SND1: variants seen among roughly 807,000 people sequenced by gnomAD.
SND1 encodes the protein staphylococcal nuclease domain-containing protein 1.
In SND1, 38 loss-of-function variants were observed where a neutral mutation model predicts 121.7. The ratio of observed to expected loss-of-function variants is 0.31; its 90% CI spans 0.24 to 0.41. The LOEUF is 0.41. Among genes scored for constraint, SND1 ranks in the 10% least tolerant of loss-of-function variants. The pLI, the probability that SND1 is intolerant of heterozygous loss-of-function variation, is 1.00. For synonymous variants in SND1, 401 were observed against 447.4 expected (o/e 0.90, Z 1.31); for missense variants, 868 against 1,184.6 (o/e 0.73, Z 3.92).
chr7:127,738,167 G>A (rs1796812211), intron 10 of SND1, among the ~76,000 whole-genome samples: 2 of 151,894 alleles, frequency 1.3e-5, no homozygotes, highest in Non-Finnish European at 2.9e-5. Context: ...TTCTCACTGT[G>A]GGCAGCTTCT....
At chr7:127,807,344 A>T (rs117012671) in intron 10 of SND1, 140 bp from the exon 11 acceptor site, 1 of 624,676 alleles carries the variant, frequency 1.6e-6, no homozygotes, top group Non-Finnish European at 2.8e-6. Flanking sequence ...ACTTTTAATC[A>T]TTTATTATGT....
intron 14 of SND1, among the ~76,000 whole-genome samples, chr7:127,913,530 C>G (rs1356039246): frequency 3.3e-5 from 5 of 152,168 alleles, no homozygotes; most frequent in Admixed American, 2.6e-4. Context: ...CTGGTCCATG[C>G]TCTTCGGTTG....
At chr7:127,921,142 G>T (rs185003462) in intron 14 of SND1, among the ~76,000 whole-genome samples, 3 of 152,268 alleles carry the variant, frequency 2.0e-5, no homozygotes, top group Admixed American at 2.0e-4. Context: ...AGGTAGAAAA[G>T]AAATGTCAGT....
chr7:127,694,050 A>C (rs902282068), intron 2 of SND1, among the ~76,000 whole-genome samples: 18 of 152,198 alleles, frequency 1.2e-4, no homozygotes, highest in Non-Finnish European at 1.8e-4. Flanking sequence ...GGTGAGAGGA[A>C]AGAATCACCA....
chr7:127,699,177 A>C (rs936493185), intron 4 of SND1, among the ~76,000 whole-genome samples: 2 of 152,190 alleles, frequency 1.3e-5, no homozygotes, highest in Admixed American at 1.3e-4. Flanking sequence ...AGGCAATTCT[A>C]TTCTTCATAT....
intron 15 of SND1, among the ~76,000 whole-genome samples, chr7:127,931,650 C>A (rs771759261): frequency 2.6e-4 from 39 of 152,330 alleles, no homozygotes; most frequent in Non-Finnish European, 5.0e-4. Flanking sequence ...AGAGAGAAGT[C>A]AGTGCCTGCC....
intron 10 of SND1, among the ~76,000 whole-genome samples, chr7:127,768,182 C>T (rs887821103): frequency 1.3e-5 from 2 of 152,096 alleles, no homozygotes; most frequent in African/African-American, 4.8e-5. Flanking sequence ...TTCCATCTTT[C>T]GTTATTAGAG....
chr7:127,997,058 T>C (rs1481033750), intron 16 of SND1, among the ~76,000 whole-genome samples: 1 of 152,230 alleles, frequency 6.6e-6, no homozygotes, highest in Non-Finnish European at 1.5e-5. Context: ...TCATGCATAA[T>C]GTTTCATTTT....
chr7:128,080,175 G>A (rs758075384), intron 17 of SND1, among the ~76,000 whole-genome samples: 5 of 152,200 alleles, frequency 3.3e-5, no homozygotes, highest in Non-Finnish European at 5.9e-5. Flanking sequence ...TCCTGTGTGC[G>A]TCTGTGGGAC....
chr7:128,056,778 GT>G (rs1375766610), intron 16 of SND1, among the ~76,000 whole-genome samples: 1 of 152,064 alleles, frequency 6.6e-6, no homozygotes, highest in Non-Finnish European at 1.5e-5. Context: ...CATATACAGT[GT>G]TTTTTTCCTA....
At chr7:128,025,821 G>T (rs1803462878) in intron 16 of SND1, among the ~76,000 whole-genome samples, 1 of 152,098 alleles carries the variant, frequency 6.6e-6, no homozygotes, top group Non-Finnish European at 1.5e-5. Context: ...ACTCCTTTGA[G>T]GTTCCTTTCA....
chr7:127,980,010 A>G (rs945067639), intron 15 of SND1, among the ~76,000 whole-genome samples: 1 of 152,188 alleles, frequency 6.6e-6, no homozygotes, highest in African/African-American at 2.4e-5. Flanking sequence ...TACTCAGGAT[A>G]GGATATATGT....
intron 15 of SND1, among the ~76,000 whole-genome samples, chr7:127,945,259 G>A (rs575415572): frequency 2.6e-5 from 4 of 152,304 alleles, no homozygotes; most frequent in African/African-American, 4.8e-5. Flanking sequence ...TTGGGAGGCC[G>A]AGGTGGGCGG....
At chr7:128,023,650 G>C (rs1003624632) in intron 16 of SND1, among the ~76,000 whole-genome samples, 2 of 152,206 alleles carry the variant, frequency 1.3e-5, no homozygotes, top group Non-Finnish European at 2.9e-5. Context: ...CGGGCTTATA[G>C]ATACTATTGT....
At chr7:128,063,100 G>T (rs1436337916) in intron 16 of SND1, among the ~76,000 whole-genome samples, 1 of 152,160 alleles carries the variant, frequency 6.6e-6, no homozygotes, top group Non-Finnish European at 1.5e-5. Context: ...TCCCACCTCT[G>T]CTCAACGTCG....
chr7:128,020,416 G>A (rs568469020), intron 16 of SND1, among the ~76,000 whole-genome samples: 2 of 152,344 alleles, frequency 1.3e-5, no homozygotes, highest in African/African-American at 4.8e-5. Flanking sequence ...AATTGCGCTA[G>A]GTCGCGAACC....
intron 16 of SND1, among the ~76,000 whole-genome samples, chr7:127,994,873 G>A (rs1241679750): frequency 4.0e-5 from 6 of 151,812 alleles, no homozygotes; most frequent in African/African-American, 9.7e-5. Flanking sequence ...CACCATGCTC[G>A]GCTAATTTTT....
At chr7:127,696,085 TAA>T (rs979656668) in intron 3 of SND1, among the ~76,000 whole-genome samples, 5 of 152,206 alleles carry the variant, frequency 3.3e-5, no homozygotes, top group Admixed American at 6.5e-5. Context: ...GAATTTTTTT[TAA>T]GTTTCCTTTG....
At chr7:128,073,979 G>T (rs796620021) in intron 16 of SND1, among the ~76,000 whole-genome samples, 2 of 152,086 alleles carry the variant, frequency 1.3e-5, no homozygotes, top group South Asian at 2.1e-4. Flanking sequence ...TTTCCTGCCC[G>T]CGTCTTTCTG....
Sources: gnomAD v4.1 joint callset for allele counts (sites outside exome capture counted in the v4.1 genomes callset) on GRCh38, gnomAD v4.1.1 for gene constraint, MANE v1.5 for transcripts, NCBI Gene and HGNC (gene_info 2026-07-23, HGNC 2026-07-21) for gene names.